Variants in NWD1 observed in about 807,000 individuals in gnomAD.
The protein encoded by NWD1 is NACHT and WD repeat domain containing 1, also known as NACHT domain- and WD repeat-containing protein 1.
NWD1 carries 129 observed loss-of-function variants against 135.1 expected under a neutral mutation model. The observed-to-expected ratio is 0.96, with a 90% CI of 0.83 to 1.11. The LOEUF (loss-of-function observed/expected upper bound fraction) is 1.11. NWD1 is among the 50% of genes least tolerant of loss of function. NWD1 has a pLI of 0.00. For missense variants in NWD1, 1,740 were observed against 1,851.3 expected, an observed-to-expected ratio of 0.94 and a Z score of 1.10; for synonymous variants, 773 against 786.0, an observed-to-expected ratio of 0.98 and a Z score of 0.28.
chr19:16,739,329 CAAAAA>C (rs67106916), intron 4 of NWD1, among the ~76,000 whole-genome samples: 61 of 78,966 alleles, frequency 7.7e-4, no homozygotes, highest in African/African-American at 2.3e-3. Flanking sequence ...CTATCTCTAC[CAAAAA>C]AAAAAAAAAA....
chr19:16,742,900 T>TATC (rs72483537), intron 4 of NWD1, among the ~76,000 whole-genome samples: 1 of 144,042 alleles, frequency 6.9e-6, no homozygotes, highest in Non-Finnish European at 1.5e-5. Flanking sequence ...TTATTATTAT[T>TATC]ATTATTATTA....
At position 16,763,975 on chromosome 19, in the gene NWD1, G is replaced by A. The variant is rs371904761; in HGVS notation, c.2251+30G>A. 62 of 1,350,314 alleles carry A rather than the reference G, an allele frequency of 4.6e-5. 1 individual carries two copies. Among genetic ancestry groups the A allele is most frequent in the South Asian group, 8.2e-5 (7 of 85,828 alleles). 83.6% of individuals were successfully genotyped at this position (1,350,314 alleles called of 1,614,324 possible). A position where few individuals can be genotyped will look rare whatever the true frequency, so the allele number is the denominator to read the frequency against. On this transcript the variant is annotated intron_variant, in intron 9 of 18. Transcript: ENST00000524140. ...GGGCTGCCCCCCATCTCAGAGGACC[G>A]AGCCTGGTGACTGCACCACGCTCCA... is the stretch of plus-strand genomic sequence containing the variant.
chr19:16,790,645 A>T (rs1172953294), intron 13 of NWD1, among the ~76,000 whole-genome samples: 1 of 118,326 alleles, frequency 8.5e-6, no homozygotes, highest in African/African-American at 4.9e-5. Context: ...AAAAAAATAA[A>T]TAAATAAATA....
intron 5 of NWD1, among the ~76,000 whole-genome samples, chr19:16,745,367 A>G (rs1188929500): frequency 1.3e-5 from 2 of 151,990 alleles, no homozygotes; most frequent in African/African-American, 4.8e-5. Flanking sequence ...AGGGGGAGCA[A>G]TGCAGGGCGA....
chr19:16,747,252 G>A (rs57776772), intron 5 of NWD1, among the ~76,000 whole-genome samples: 4,259 of 151,782 alleles, frequency 0.028, 165 homozygotes, highest in African/African-American at 0.093. Flanking sequence ...GCTCAGGCTG[G>A]TCTCGAACTC....
At position 16,797,840 on chromosome 19, in the gene NWD1, C is replaced by T; in HGVS notation, c.3413C>T (p.Thr1138Ile). 3 of 1,614,088 alleles carry T rather than the reference C, an allele frequency of 1.9e-6. No homozygotes were observed. Among genetic ancestry groups the T allele is most frequent in the Non-Finnish European group, 2.5e-6 (3 of 1,179,942 alleles). Residue 1138 changes from threonine to isoleucine, a missense_variant, in exon 16 of 19, where the codon ACT (threonine) becomes ATT (isoleucine). Thr to Ile is a moderately conservative substitution (Grantham distance 89). Coordinates refer to ENST00000524140, the MANE Select transcript of NWD1 (RefSeq NM_001007525.5). ...ATGGTGGAGACGGCTGTTTTTGGTA[C>T]TGAGAACAACCTGATCATCACGGGG... ...EDMVETAVFG[T>I]ENNLIITGSL...
At chr19:16,756,720 C>G (rs1369963922) in intron 6 of NWD1, among the ~76,000 whole-genome samples, 1 of 152,098 alleles carries the variant, frequency 6.6e-6, no homozygotes, top group Non-Finnish European at 1.5e-5. Flanking sequence ...TCCCCATCCC[C>G]CAGTACCGGT....
Position 16,807,794 on chromosome 19 carries a change from C to T in NWD1, c.3945C>T (p.Ala1315=). The T allele has an allele frequency of 1.2e-6, 2 of 1,613,998 alleles. No homozygotes were observed. The highest frequency in any genetic ancestry group is 1.7e-6 in the Non-Finnish European group (2 of 1,179,884). The part of the protein sequence containing the change: ...MSLSKCEDRL[A]IAYDNIVLVL... ...TGAGCAAGTGCGAGGACCGCCTGGC[C>T]ATCGCCTATGACAACATCGTCCTGG... The change falls in exon 18 of 19, where the codon GCC becomes GCT. Residue 1315 remains alanine, a synonymous_variant. Coordinates refer to ENST00000524140, the MANE Select transcript of NWD1 (RefSeq NM_001007525.5).
chr19:16,808,607 T>A (rs1197183902), intron 18 of NWD1, among the ~76,000 whole-genome samples: 1 of 151,830 alleles, frequency 6.6e-6, no homozygotes, highest in African/African-American at 2.4e-5. Context: ...AAGTTTTTTT[T>A]GTTTTCATTT....
rs10591492 is a variant in NWD1, at chr19:16,748,838, T to TAAG, written c.497-292_497-290dup. Among the ~76,000 whole-genome samples the TAAG allele has an allele frequency of 8.3e-4, 126 of 151,304 alleles. 2 individuals carry two copies. Among genetic ancestry groups the TAAG allele is most frequent in the East Asian group, 6.0e-3 (31 of 5,138 alleles). On this transcript the variant is annotated intron_variant, in intron 5 of 18. Coordinates refer to ENST00000524140, the MANE Select transcript of NWD1 (RefSeq NM_001007525.5). Reference sequence around the variant, plus strand: ...GACCCTGTCTCAATAATAATAATAATAAGAAGAAGAATAAGAGTAATGGCT... The same window carrying TAAG: ...GACCCTGTCTCAATAATAATAATAATAAGAAGAAGAAGAATAAGAGTAATGGCT...
chr19:16,773,310 C>T lies in NWD1; in HGVS notation c.2595C>T (p.Ser865=), dbSNP rs748554817. 54 of 1,612,252 alleles carry T rather than the reference C, an allele frequency of 3.3e-5. 2 individuals are homozygous for T. The highest frequency in any genetic ancestry group is 3.5e-4 in the Middle Eastern group (2 of 5,762). Residue 865 remains serine, a synonymous_variant, in exon 11 of 19, where the codon AGC becomes AGT. Coordinates refer to ENST00000524140, the MANE Select transcript of NWD1 (RefSeq NM_001007525.5). ...GAGGACCCCTCCGGGCAACTCTCAG[C>T]GGCTGTCACAAAGGTGAGTCTCCCC... ...PPGGPLRATL[S]GCHKGITAMA... is the part of the protein sequence containing the mutation.
intron 5 of NWD1, among the ~76,000 whole-genome samples, chr19:16,747,377 ATTT>A (rs1968368355): frequency 1.4e-5 from 2 of 144,430 alleles, no homozygotes; most frequent in Admixed American, 6.9e-5. Flanking sequence ...TTATTTATTT[ATTT>A]ATTTAATTTT....
intron 6 of NWD1, among the ~76,000 whole-genome samples, chr19:16,751,230 A>C (rs1483044513): frequency 6.6e-6 from 1 of 151,728 alleles, no homozygotes; most frequent in Non-Finnish European, 1.5e-5. Context: ...ATCTCAAAAA[A>C]AAAAAAAAAA....
At chr19:16,743,672 A>AT (rs1377766045) in intron 4 of NWD1, among the ~76,000 whole-genome samples, 52 of 142,378 alleles carry the variant, frequency 3.7e-4, no homozygotes, top group African/African-American at 1.0e-3. Flanking sequence ...TTATTTATTT[A>AT]TTAGTTTGTT....
chr19:16,788,055 T>C (rs1970110167), intron 12 of NWD1, among the ~76,000 whole-genome samples: 1 of 142,496 alleles, frequency 7.0e-6, no homozygotes, highest in Non-Finnish European at 1.5e-5. Flanking sequence ...ATGATGAAAC[T>C]GTGTCTCTAC....
At position 16,749,052 on chromosome 19, in the gene NWD1, A is replaced by G; in HGVS notation, c.497-87A>G. 3 of 1,041,044 alleles carry G rather than the reference A, an allele frequency of 2.9e-6. No homozygotes were observed. In the South Asian group the frequency reaches 4.7e-5, roughly 16 times the overall value. The allele number at this position is 1,041,044 out of a possible 1,614,324, so 64.5% of individuals were successfully genotyped here. On this transcript the variant is annotated intron_variant, in intron 5 of 18. Coordinates refer to ENST00000524140, the MANE Select transcript of NWD1 (RefSeq NM_001007525.5). ...TCTTGAGAACCAATGCACATCCCCC[A>G]ACAACAGGTCTCCCAGCAACCCCAT...
Position 16,817,371 on chromosome 19 carries a change from C to G in NWD1, c.*2332C>G, listed in dbSNP as rs919920556. On this transcript the variant is annotated 3_prime_UTR_variant, in exon 19 of 19. Transcript: ENST00000524140. Reference sequence around the variant, plus strand: ...ATCCCAGCACTTTGGGAGGCTGAGGCGGGTGGATCACTTGAGGCCAGGTGT... The same window carrying G: ...ATCCCAGCACTTTGGGAGGCTGAGGGGGGTGGATCACTTGAGGCCAGGTGT... The G allele has an allele frequency of 6.6e-6, 1 of 151,874 alleles. No individual in the cohort carries two copies. The highest frequency in any genetic ancestry group is 1.5e-5 in the Non-Finnish European group (1 of 68,016). The allele number at this position is 151,874 out of a possible 1,614,324, so 9.4% of individuals were successfully genotyped here. A position where few individuals can be genotyped will look rare whatever the true frequency, so the allele number is the denominator to read the frequency against.
intron 3 of NWD1, among the ~76,000 whole-genome samples, chr19:16,736,234 T>TTCCTTCCTTCCTTCCTTCCTACCTTC (rs1477114202): frequency 6.6e-6 from 1 of 150,388 alleles, no homozygotes; most frequent in Admixed American, 6.7e-5. Flanking sequence ...CCTACCTTCC[T>TTCCTTCCTTCCTTCCTTCCTACCTTC]CTCTCTCTTT....
Position 16,765,089 on chromosome 19 carries a change from G to A in NWD1, c.2307G>A (p.Leu769=). The change falls in exon 10 of 19, where the codon CTG becomes CTA. Residue 769 remains leucine (L), a synonymous_variant. Coordinates refer to ENST00000524140, the MANE Select transcript of NWD1 (RefSeq NM_001007525.5). ...RGISGGIEDL[L]DDFDLCAPHL... Reference sequence around the variant, plus strand: ...TCTCTGGGGGCATTGAAGACCTGCTGGATGACTTTGACCTGTGTGCCCCTC... The same window carrying A: ...TCTCTGGGGGCATTGAAGACCTGCTAGATGACTTTGACCTGTGTGCCCCTC... The A allele has an allele frequency of 1.2e-6, 2 of 1,614,144 alleles. No individual in the cohort carries two copies. Among genetic ancestry groups the A allele is most frequent in the Non-Finnish European group, 1.7e-6 (2 of 1,180,022 alleles).
Sources: allele counts gnomAD v4.1 joint callset (sites outside exome capture counted in the v4.1 genomes callset), GRCh38; gene constraint gnomAD v4.1.1; transcripts MANE v1.5; gene names NCBI Gene and HGNC (gene_info 2026-07-23, HGNC 2026-07-21).